Variants in DNM3 observed in about 807,000 individuals in gnomAD.
The protein encoded by DNM3 is dynamin-3.
Under a neutral mutation model 101.6 loss-of-function variants are expected in DNM3, and 47 were observed. The observed-to-expected ratio is 0.46, with a 90% CI of 0.37 to 0.59. The LOEUF is 0.59. Among genes scored for constraint, DNM3 ranks in the 20% least tolerant of loss-of-function variants. The probability of loss-of-function intolerance (pLI) is 0.00; values close to 1 mark genes in which losing one functional copy is unlikely to be tolerated. For synonymous variants in DNM3, 385 were observed against 387.9 expected (o/e 0.99, Z 0.09); for missense variants, 849 against 1,085.7 (o/e 0.78, Z 3.06).
intron 13 of DNM3, among the ~76,000 whole-genome samples, chr1:172,125,698 C>T (rs2056582319): frequency 6.6e-6 from 1 of 152,086 alleles, no homozygotes; most frequent in African/African-American, 2.4e-5. Flanking sequence ...CTCTCAAGGT[C>T]CTTTCTAGTC....
At chr1:172,123,041 A>G (rs1178979838) in intron 13 of DNM3, among the ~76,000 whole-genome samples, 2 of 152,174 alleles carry the variant, frequency 1.3e-5, no homozygotes, top group Non-Finnish European at 2.9e-5. Flanking sequence ...CTAAAAATGG[A>G]GTCAAATTAT....
chr1:172,215,955 C>A (rs2060679614), intron 14 of DNM3, among the ~76,000 whole-genome samples: 1 of 134,290 alleles, frequency 7.4e-6, no homozygotes. Flanking sequence ...TCTTAACACT[C>A]TCTTTAAAAA....
intron 2 of DNM3, among the ~76,000 whole-genome samples, chr1:171,935,086 C>T (rs567037469): frequency 2.5e-4 from 38 of 152,044 alleles, no homozygotes; most frequent in South Asian, 6.2e-4. Context: ...AAAACTCCTA[C>T]GGCTTGCTTT....
chr1:171,900,592 A>G (rs895184666), intron 1 of DNM3, among the ~76,000 whole-genome samples: 3 of 152,160 alleles, frequency 2.0e-5, no homozygotes, highest in Non-Finnish European at 2.9e-5. Context: ...GTGAAGTAGG[A>G]AACTGACCTG....
At chr1:172,041,733 TTAAA>T (rs2049406087) in intron 7 of DNM3, among the ~76,000 whole-genome samples, 1 of 152,182 alleles carries the variant, frequency 6.6e-6, no homozygotes, top group Non-Finnish European at 1.5e-5. Flanking sequence ...CAAGTGTTCT[TTAAA>T]TACCATTTTA....
At chr1:172,131,728 GA>G in intron 14 of DNM3, 1 of 312,180 alleles carries the variant, frequency 3.2e-6, no homozygotes, top group Non-Finnish European at 6.3e-6. Flanking sequence ...TGTCTCAAAT[GA>G]AAGGCTTTTA....
At chr1:172,189,599 T>A (rs922320172) in intron 14 of DNM3, among the ~76,000 whole-genome samples, 16 of 152,068 alleles carry the variant, frequency 1.1e-4, no homozygotes, top group African/African-American at 3.9e-4. Context: ...AGTATTTATG[T>A]ATTTATTTTT....
intron 4 of DNM3, among the ~76,000 whole-genome samples, chr1:172,012,078 T>C (rs1402148447): frequency 6.6e-6 from 1 of 152,020 alleles, no homozygotes; most frequent in Non-Finnish European, 1.5e-5. Flanking sequence ...TTATGTCAGC[T>C]CTCTTCTTCA....
At chr1:172,003,105 A>G (rs924815904) in intron 4 of DNM3, among the ~76,000 whole-genome samples, 1 of 152,100 alleles carries the variant, frequency 6.6e-6, no homozygotes, top group African/African-American at 2.4e-5. Context: ...TTAATTGCCA[A>G]TTAGTAACAT....
intron 4 of DNM3, among the ~76,000 whole-genome samples, chr1:171,993,170 T>C (rs944178532): frequency 2.6e-5 from 4 of 152,152 alleles, no homozygotes; most frequent in Non-Finnish European, 5.9e-5. Context: ...TATTTAACTA[T>C]GTAGTTAACT....
chr1:172,150,575 T>C (rs1318355656), intron 14 of DNM3, among the ~76,000 whole-genome samples: 2 of 152,194 alleles, frequency 1.3e-5, no homozygotes, highest in African/African-American at 4.8e-5. Context: ...ACATGTGATA[T>C]AATTTAATCC....
intron 14 of DNM3, among the ~76,000 whole-genome samples, chr1:172,199,899 A>G (rs79438552): frequency 0.047 from 7,159 of 151,822 alleles, 198 homozygotes; most frequent in Middle Eastern, 0.1. Flanking sequence ...CATTTGGTCC[A>G]TTTACATTCC....
rs143989773 is a variant in DNM3, at chr1:172,025,558, G to A, written c.590-6844G>A. Among the ~76,000 whole-genome samples the A allele has an allele frequency of 9.8e-3, 1,485 of 152,248 alleles. 34 individuals are homozygous for A. Among genetic ancestry groups the A allele is most frequent in the African/African-American group, 0.034 (1,399 of 41,542 alleles). ...AGACACCTCATACGGGAGAGCTCCG[G>A]CTGGCATCTTGTGGGTGCCCCTCTG... On this transcript the variant is annotated intron_variant, in intron 4 of 20. Transcript: ENST00000627582.
At chr1:172,383,965 A>ATGT (rs1260067836) in intron 18 of DNM3, among the ~76,000 whole-genome samples, 1 of 152,208 alleles carries the variant, frequency 6.6e-6, no homozygotes, top group Admixed American at 6.5e-5. Context: ...TCACTTTGTT[A>ATGT]TGTTAGGTGA....
chr1:172,037,526 G>GT (rs1458528418), intron 6 of DNM3, among the ~76,000 whole-genome samples: 1 of 152,074 alleles, frequency 6.6e-6, no homozygotes, highest in Non-Finnish European at 1.5e-5. Flanking sequence ...AAGATTATCT[G>GT]TTTTTTCTTT....
chr1:172,377,553 C>CATATATATATATATAT (rs34612864), intron 17 of DNM3, among the ~76,000 whole-genome samples: 2,912 of 122,908 alleles, frequency 0.024, 82 homozygotes, highest in South Asian at 0.039. Flanking sequence ...TGATATATAT[C>CATATATATATATATAT]ATATATATAT....
chr1:172,357,765 C>G (rs1471416075), intron 17 of DNM3, among the ~76,000 whole-genome samples: 2 of 151,990 alleles, frequency 1.3e-5, no homozygotes, highest in Non-Finnish European at 2.9e-5. Flanking sequence ...AATTTTCAAC[C>G]TTTTAATAAG....
At chr1:172,041,891 G>T in intron 7 of DNM3, 118 bp from the exon 8 acceptor site, 1 of 1,070,860 alleles carries the variant, frequency 9.3e-7, no homozygotes. Flanking sequence ...AACTCTGCCA[G>T]TAGGTGCCAC....
chr1:172,321,932 C>CT (rs943556441), intron 16 of DNM3, among the ~76,000 whole-genome samples: 3 of 152,080 alleles, frequency 2.0e-5, no homozygotes, highest in Non-Finnish European at 4.4e-5. Flanking sequence ...AAAAAGGACT[C>CT]TTTTTTTCCC....
Sources: gnomAD v4.1 joint callset for allele counts (sites outside exome capture counted in the v4.1 genomes callset) on GRCh38, gnomAD v4.1.1 for gene constraint, MANE v1.5 for transcripts, NCBI Gene and HGNC (gene_info 2026-07-23, HGNC 2026-07-21) for gene names.